MED12L: variants seen among roughly 807,000 people sequenced by gnomAD.
The protein encoded by MED12L is mediator complex subunit 12L, also known as mediator of RNA polymerase II transcription subunit 12-like protein.
Under a neutral mutation model 281.3 loss-of-function variants are expected in MED12L, and 60 were observed. The observed-to-expected ratio is 0.21, with a 90% CI of 0.17 to 0.26. MED12L has a LOEUF of 0.26. Ranked by LOEUF, MED12L falls within the 10% of genes least tolerant of loss-of-function variation. The probability of loss-of-function intolerance (pLI) is 1.00; values close to 1 mark genes in which losing one functional copy is unlikely to be tolerated. For synonymous variants in MED12L, 974 were observed against 987.2 expected (o/e 0.99, Z 0.25); for missense variants, 2,146 against 2,680.9 (o/e 0.80, Z 4.41).
chr3:151,342,372 T>A (rs1024152988), intron 16 of MED12L, among the ~76,000 whole-genome samples: 2 of 152,224 alleles, frequency 1.3e-5, no homozygotes, highest in African/African-American at 4.8e-5. Context: ...TTTGGTTTTT[T>A]CTTCTGCGTT....
At chr3:151,328,927 T>C in intron 16 of MED12L, 1 of 1,613,852 alleles carries the variant, frequency 6.2e-7, no homozygotes, top group Non-Finnish European at 8.5e-7. Context: ...ATACCAGCTG[T>C]ACTATCCGAG....
chr3:151,153,370 G>A (rs1405929156), intron 5 of MED12L, among the ~76,000 whole-genome samples: 1 of 151,926 alleles, frequency 6.6e-6, no homozygotes, highest in Non-Finnish European at 1.5e-5. Context: ...CTAATAATCT[G>A]GCTTCATGGA....
In MED12L at chr3:151,390,059, C is replaced by T. The variant is rs1386348874; in HGVS notation, c.5532C>T (p.Ser1844=). 6.2e-7 allele frequency: 1 copy of T among 1,613,950 alleles called. No individual in the cohort carries two copies. Among genetic ancestry groups the T allele is most frequent in the Non-Finnish European group, 8.5e-7 (1 of 1,179,932 alleles). The stretch of plus-strand genomic sequence containing the variant: ...CCCAAATGATGCACCATCCACAGTC[C>T]ACCTTGTGGGGTTACAACCTCGTGG... The part of the protein sequence containing the change: ...ISSQMMHHPQ[S]TLWGYNLVGQ... The change falls in exon 38 of 45, where the codon TCC becomes TCT. Residue 1844 remains serine (S), a synonymous_variant. Coordinates refer to ENST00000687756, the MANE Select transcript of MED12L (RefSeq NM_001393769.1).
intron 9 of MED12L, among the ~76,000 whole-genome samples, chr3:151,164,369 G>C (rs1454918929): frequency 1.3e-5 from 2 of 152,026 alleles, no homozygotes; most frequent in Non-Finnish European, 2.9e-5. Context: ...TGTTCTTATT[G>C]GTACTGGGTT....
intron 16 of MED12L, among the ~76,000 whole-genome samples, chr3:151,223,141 A>G (rs1265111254): frequency 6.7e-6 from 1 of 148,254 alleles, no homozygotes; most frequent in Non-Finnish European, 1.5e-5. Flanking sequence ...CATATATTCT[A>G]ACTTTACAAC....
At chr3:151,182,256 G>A (rs1722790194) in intron 11 of MED12L, among the ~76,000 whole-genome samples, 1 of 151,656 alleles carries the variant, frequency 6.6e-6, no homozygotes, top group Non-Finnish European at 1.5e-5. Flanking sequence ...TTGGATGTAT[G>A]CCATAAGATA....
intron 2 of MED12L, 115 bp downstream of exon 2, chr3:151,087,140 G>A: frequency 1.2e-6 from 1 of 842,966 alleles, no homozygotes; most frequent in Non-Finnish European, 1.8e-6. Flanking sequence ...TCGGGGAGGG[G>A]GATTAGAGGC....
intron 16 of MED12L, among the ~76,000 whole-genome samples, chr3:151,331,534 GTA>G (rs1750355181): frequency 6.6e-6 from 1 of 152,174 alleles, no homozygotes; most frequent in South Asian, 2.1e-4. Context: ...CTGTCATGTG[GTA>G]GGTATCATGT....
intron 16 of MED12L, among the ~76,000 whole-genome samples, chr3:151,221,430 C>T (rs1471777193): frequency 1.3e-5 from 2 of 152,194 alleles, no homozygotes; most frequent in Non-Finnish European, 2.9e-5. Context: ...AAGGTCTTTA[C>T]TGCAAGCCCA....
chr3:151,116,978 T>C (rs1174576624), intron 3 of MED12L, among the ~76,000 whole-genome samples: 2 of 152,226 alleles, frequency 1.3e-5, no homozygotes, highest in Non-Finnish European at 2.9e-5. Context: ...TTTGAGAGGA[T>C]ATAAATATCC....
intron 11 of MED12L, among the ~76,000 whole-genome samples, chr3:151,171,276 G>A (rs1453890496): frequency 1.3e-5 from 2 of 152,156 alleles, no homozygotes; most frequent in Non-Finnish European, 2.9e-5. Flanking sequence ...CTGAGCAGCT[G>A]GAGGAGGAGT....
intron 22 of MED12L, 34 bp downstream of exon 22, chr3:151,365,240 CAA>C (rs754165513): frequency 1.7e-5 from 27 of 1,552,696 alleles, no homozygotes; most frequent in Non-Finnish European, 2.4e-5. Context: ...CATGATTAAC[CAA>C]AGAGTTGTTG....
intron 16 of MED12L, chr3:151,199,266 G>T: frequency 6.2e-7 from 1 of 1,613,988 alleles, no homozygotes; most frequent in Non-Finnish European, 8.5e-7. Context: ...GTATTCTTCT[G>T]TATAAAAGCC....
chr3:151,153,591 CA>C (rs371341769), intron 5 of MED12L, among the ~76,000 whole-genome samples: 9 of 98,880 alleles, frequency 9.1e-5, no homozygotes, highest in African/African-American at 4.1e-4. Flanking sequence ...TTTTTTGAGA[CA>C]GACTCTTGCT....
chr3:151,408,032 C>A (rs1028722084), intron 39 of MED12L, among the ~76,000 whole-genome samples: 4 of 152,182 alleles, frequency 2.6e-5, no homozygotes, highest in Non-Finnish European at 5.9e-5. Flanking sequence ...GTATTTTCAT[C>A]CTTAATGTCA....
chr3:151,328,037 C>A, intron 16 of MED12L: 3 of 1,597,776 alleles, frequency 1.9e-6, no homozygotes, highest in Non-Finnish European at 2.6e-6. Context: ...ATTTTCTTGG[C>A]TTGATGCTGT....
chr3:151,270,196 C>CGTGTGT (rs55920434), intron 16 of MED12L: 16,928 of 129,520 alleles, frequency 0.13, 1,512 homozygotes, highest in Middle Eastern at 0.21. Context: ...AGCAAGCTGT[C>CGTGTGT]GTGTGTGTGT....
chr3:151,096,470 A>C (rs1367489754), intron 2 of MED12L, among the ~76,000 whole-genome samples: 1 of 151,916 alleles, frequency 6.6e-6, no homozygotes, highest in Non-Finnish European at 1.5e-5. Context: ...GGCAAGAGAC[A>C]AAGAGCAGTG....
At chr3:151,248,891 T>A (rs1359099440) in intron 16 of MED12L, 1 of 152,224 alleles carries the variant, frequency 6.6e-6, no homozygotes, top group African/African-American at 2.4e-5. Context: ...TTAGGTTCTC[T>A]GTAGGCAAGA....
Sources: allele counts gnomAD v4.1 joint callset (sites outside exome capture counted in the v4.1 genomes callset), GRCh38; gene constraint gnomAD v4.1.1; transcripts MANE v1.5; gene names NCBI Gene and HGNC (gene_info 2026-07-23, HGNC 2026-07-21).